TERF2IP: variants seen among roughly 807,000 people sequenced by gnomAD.
The protein encoded by TERF2IP is telomeric repeat-binding factor 2-interacting protein 1.
A neutral mutation model predicts 33.3 loss-of-function variants in TERF2IP; 35 were observed. The observed-to-expected ratio is 1.05, with a 90% CI of 0.80 to 1.39. TERF2IP has a LOEUF of 1.39. Ranked by LOEUF, TERF2IP falls within the 40% of genes most tolerant of loss-of-function variation. TERF2IP has a pLI of 0.00. For missense variants in TERF2IP, 583 were observed against 524.8 expected (o/e 1.11, Z -1.08); for synonymous variants, 253 against 223.2 (o/e 1.13, Z -1.19).
rs1422900652 is a variant in TERF2IP, at chr16:75,654,256, G to T, written c.671-17G>T. On this transcript the variant is annotated splice_polypyrimidine_tract_variant and intron_variant, in intron 1 of 2. Coordinates refer to ENST00000300086, the MANE Select transcript of TERF2IP (RefSeq NM_018975.4). ...AAAGAGGCTATTGCTAATCTGTGCT[G>T]TTCTTCTCTTTAACAGAACCACAGA... is the stretch of plus-strand genomic sequence containing the variant. The T allele has an allele frequency of 1.1e-5, 17 of 1,602,024 alleles. No homozygotes were observed. Among genetic ancestry groups the T allele is most frequent in the African/African-American group, 4.0e-5 (3 of 74,190 alleles).
chr16:75,656,139 G>C, intron 2 of TERF2IP, 68 bp from the exon 3 acceptor site: 1 of 1,473,806 alleles, frequency 6.8e-7, no homozygotes, highest in South Asian at 1.4e-5. Flanking sequence ...ATAGTTGGAA[G>C]AGACCAGATA....
chr16:75,649,556 A>G (rs1321469614), intron 1 of TERF2IP, among the ~76,000 whole-genome samples: 2 of 151,814 alleles, frequency 1.3e-5, no homozygotes, highest in Non-Finnish European at 2.9e-5. Context: ...AAAAAAAAAA[A>G]AATTATCTCG....
chr16:75,647,982 C>T lies in TERF2IP; in HGVS notation c.100C>T (p.Arg34Trp), dbSNP rs2082313043. 6.2e-7 allele frequency: 1 copy of T among 1,613,490 alleles called. No homozygotes were observed. The highest frequency in any genetic ancestry group is 1.3e-5 in the African/African-American group (1 of 74,944). Residue 34 changes from arginine to tryptophan, a missense_variant, in exon 1 of 3, where the codon CGG (arginine) becomes TGG (tryptophan). By Grantham distance (101) the Arg-to-Trp change is moderately radical. Coordinates refer to ENST00000300086, the MANE Select transcript of TERF2IP (RefSeq NM_018975.4). ...CGGCAGCTCCATGTCCTTCTACGTG[C>T]GGCCCAGCCCGGCCAAGCGTCGGCT... ...DDGSSMSFYVRPSPAKRRLST... is the reference protein window; with the variant it reads ...DDGSSMSFYVWPSPAKRRLST...
intron 1 of TERF2IP, 187 bp downstream of exon 1, chr16:75,648,739 T>C: frequency 7.1e-7 from 1 of 1,415,668 alleles, no homozygotes; most frequent in Non-Finnish European, 9.2e-7. Flanking sequence ...TATTGTTCTT[T>C]TTTTGCGATG....
chr16:75,654,112 T>A (rs2082366545), intron 1 of TERF2IP, among the ~76,000 whole-genome samples, 161 bp from the exon 2 acceptor site: 1 of 148,870 alleles, frequency 6.7e-6, no homozygotes, highest in South Asian at 2.1e-4. Flanking sequence ...AGGCTTTTTT[T>A]ACCCTTCTGA....
intron 1 of TERF2IP, among the ~76,000 whole-genome samples, chr16:75,649,793 GT>G (rs959805208): frequency 5.9e-5 from 9 of 152,158 alleles, no homozygotes; most frequent in Non-Finnish European, 1.0e-4. Flanking sequence ...GGTGAAGTGA[GT>G]TTTTAATGCA....
At chr16:75,649,469 G>A (rs1380925100) in intron 1 of TERF2IP, among the ~76,000 whole-genome samples, 1 of 151,910 alleles carries the variant, frequency 6.6e-6, no homozygotes, top group African/African-American at 2.4e-5. Flanking sequence ...GCTTGAACCC[G>A]GGGGGCGGAG....
At chr16:75,649,672 A>G (rs2082332736) in intron 1 of TERF2IP, among the ~76,000 whole-genome samples, 1 of 152,124 alleles carries the variant, frequency 6.6e-6, no homozygotes, top group Non-Finnish European at 1.5e-5. Context: ...ATGTTCAGGT[A>G]GATTCAGTAT....
In TERF2IP at chr16:75,648,209, C is replaced by T. The variant is rs1456355029; in HGVS notation, c.327C>T (p.Thr109=). ...YRLGPASAAD[T]GSEAKPGALA... ...TGGGCCCCGCCTCGGCGGCGGACAC[C>T]GGCTCGGAAGCAAAGCCCGGGGCCC... The change falls in exon 1 of 3, where the codon ACC becomes ACT. Residue 109 remains threonine (T), a synonymous_variant. Coordinates refer to ENST00000300086, the MANE Select transcript of TERF2IP (RefSeq NM_018975.4). 2 of 1,547,134 alleles carry T rather than the reference C, an allele frequency of 1.3e-6. No individual in the cohort carries two copies. Among genetic ancestry groups the T allele is most frequent in the Admixed American group, 2.0e-5 (1 of 50,276 alleles).
chr16:75,655,688 G>A (rs1004358257), intron 2 of TERF2IP, among the ~76,000 whole-genome samples: 1 of 152,132 alleles, frequency 6.6e-6, no homozygotes, highest in Non-Finnish European at 1.5e-5. Flanking sequence ...AGTATAGCTT[G>A]GAAGCCCTAA....
Position 75,656,205 on chromosome 16 carries a change from AGGT to A in TERF2IP, c.797_799del (p.Val266del). 6.2e-7 allele frequency: 1 copy of A among 1,600,186 alleles called. No individual in the cohort carries two copies. Among genetic ancestry groups the A allele is most frequent in the Non-Finnish European group, 8.5e-7 (1 of 1,173,210 alleles). The stretch of plus-strand genomic sequence containing the variant: ...GCTGGTTTTACTCATCATTCTGTCT[AGGT>A]GGATGAGAGCCCTCCTGATTTTGAA... On this transcript the variant is annotated splice_acceptor_variant and coding_sequence_variant, in exon 3 of 3. Transcript: ENST00000300086. LOFTEE classifies it high-confidence loss of function.
At position 75,656,361 on chromosome 16, in the gene TERF2IP, T is replaced by G. The variant is rs1283269250; in HGVS notation, c.950T>G (p.Ile317Ser). Residue 317 changes from isoleucine (I) to serine (S), a missense_variant, in exon 3 of 3, where the codon ATC becomes AGC. Coordinates refer to ENST00000300086, the MANE Select transcript of TERF2IP (RefSeq NM_018975.4). ...SQPEVGAAIKIIRQLMEKFNL... is the reference protein window; with the variant it reads ...SQPEVGAAIKSIRQLMEKFNL... ...CCAGAGGTGGGAGCTGCCATTAAGA[T>G]CATTCGGCAGTTAATGGAGAAGTTT... 6.2e-7 allele frequency: 1 copy of G among 1,614,190 alleles called. No homozygotes were observed. The highest frequency in any genetic ancestry group is 1.1e-5 in the South Asian group (1 of 91,086).
rs2082388252 is a variant in TERF2IP, at chr16:75,656,532, A to T, written c.1121A>T (p.Asp374Val). 2 of 1,614,220 alleles carry T rather than the reference A, an allele frequency of 1.2e-6. No homozygotes were observed. The highest frequency in any genetic ancestry group is 1.3e-5 in the African/African-American group (1 of 75,062). The stretch of plus-strand genomic sequence containing the variant: ...GATGACATAGATTTGCAAAAAGATG[A>T]TGAGGATACCAGAGAGGCATTGGTC... ...RQDDIDLQKDDEDTREALVKK... is the reference protein window; with the variant it reads ...RQDDIDLQKDVEDTREALVKK... The change falls in exon 3 of 3, where the codon GAT becomes GTT. Residue 374 changes from aspartate (D) to valine (V), a missense_variant. By Grantham distance (152) the Asp-to-Val change is radical (BLOSUM62 -3). Coordinates refer to ENST00000300086, the MANE Select transcript of TERF2IP (RefSeq NM_018975.4).
In TERF2IP at chr16:75,648,063, G is replaced by A. The variant is rs369903116; in HGVS notation, c.181G>A (p.Ala61Thr). 14 of 1,591,798 alleles carry A rather than the reference G, an allele frequency of 8.8e-6. No individual in the cohort carries two copies. The African/African-American group carries it at 1.6e-4, about 18-fold the overall frequency. Residue 61 changes from alanine to threonine, a missense_variant, in exon 1 of 3, where the codon GCC becomes ACC. Physicochemically the swap from Ala to Thr is moderately conservative, Grantham distance 58. Coordinates refer to ENST00000300086, the MANE Select transcript of TERF2IP (RefSeq NM_018975.4). The stretch of plus-strand genomic sequence containing the variant: ...CGTGTGCCGAGTGCAGGAGCCCGGG[G>A]CCGTGCTGCTGGCCCAGCCCGGGGA... Reference protein sequence around the residue: ...GTVCRVQEPGAVLLAQPGEAL... With the variant: ...GTVCRVQEPGTVLLAQPGEAL...
In TERF2IP at chr16:75,648,180, C is replaced by G. The variant is rs1379021647; in HGVS notation, c.298C>G (p.Arg100Gly). ...CGAGAGGCTGGAGCTGGAGGCCTATCGGCTGGGCCCCGCCTCGGCGGCGGA... is the reference window on the plus strand; with the variant it reads ...CGAGAGGCTGGAGCTGGAGGCCTATGGGCTGGGCCCCGCCTCGGCGGCGGA... Reference protein sequence around the residue: ...RNERLELEAYRLGPASAADTG... With the variant: ...RNERLELEAYGLGPASAADTG... The change falls in exon 1 of 3, where the codon CGG becomes GGG. Residue 100 changes from arginine (R) to glycine (G), a missense_variant. Physicochemically the swap from Arg to Gly is moderately radical, Grantham distance 125. Coordinates refer to ENST00000300086, the MANE Select transcript of TERF2IP (RefSeq NM_018975.4). 1 of 1,559,238 alleles carries G rather than the reference C, an allele frequency of 6.4e-7. No individual in the cohort carries two copies. Among genetic ancestry groups the G allele is most frequent in the Non-Finnish European group, 8.7e-7 (1 of 1,154,432 alleles).
rs145177251 is a variant in TERF2IP, at chr16:75,656,611, A to T, written c.1200A>T (p.Ter400TyrextTer4). 1 of 1,588,844 alleles carries T rather than the reference A, an allele frequency of 6.3e-7. No individual in the cohort carries two copies. The highest frequency in any genetic ancestry group is 1.4e-5 in the African/African-American group (1 of 73,770). Residue 400 changes from the stop codon to tyrosine (Y), a stop_lost, in exon 3 of 3, where the codon TAA becomes TAT. Transcript: ENST00000300086. ...GGAGGATTGAATTTCGAAAGAAATA[A>T]TTGGCAAGATAATGAGAAAAGAAAA... ...VARRIEFRKK[*>Y]
At position 75,656,425 on chromosome 16, in the gene TERF2IP, AAAT is replaced by A. The variant is rs2082386701; in HGVS notation, c.1016_1018del (p.Asn339del). On this transcript the variant is annotated inframe_deletion, in exon 3 of 3. Transcript: ENST00000300086. ...CAACAGTTACACAGGCCTTCCTAAA[AAAT>A]AGTGGTGAGCTGGAGGCTACTTCCG... 1 of 1,614,086 alleles carries A rather than the reference AAAT, an allele frequency of 6.2e-7. No homozygotes were observed. The highest frequency in any genetic ancestry group is 1.3e-5 in the African/African-American group (1 of 74,916).
chr16:75,654,251 G>A (rs778421523), intron 1 of TERF2IP, 22 bp from the exon 2 acceptor site: 2 of 1,600,054 alleles, frequency 1.2e-6, no homozygotes, highest in African/African-American at 2.7e-5. Context: ...TTGCTAATCT[G>A]TGCTGTTCTT....
At chr16:75,650,245 A>G (rs1022689778) in intron 1 of TERF2IP, among the ~76,000 whole-genome samples, 26 of 152,154 alleles carry the variant, frequency 1.7e-4, no homozygotes, top group Non-Finnish European at 2.8e-4. Context: ...GGTTTTTCCT[A>G]TAGGATGATA....
Sources: gnomAD v4.1 joint callset for allele counts (sites outside exome capture counted in the v4.1 genomes callset) on GRCh38, gnomAD v4.1.1 for gene constraint, MANE v1.5 for transcripts, NCBI Gene and HGNC (gene_info 2026-07-23, HGNC 2026-07-21) for gene names.